The following CFLAR variants were observed in gnomAD, a reference collection of about 807,000 sequenced individuals.
CFLAR encodes CASP8 and FADD-like apoptosis regulator.
Under a neutral mutation model 51.1 loss-of-function variants are expected in CFLAR, and 14 were observed. The ratio of observed to expected loss-of-function variants is 0.27; its 90% CI spans 0.18 to 0.43. CFLAR has a LOEUF of 0.43. Ranked by LOEUF, CFLAR falls within the 20% of genes least tolerant of loss-of-function variation. CFLAR has a pLI of 1.00. For missense variants in CFLAR, 390 were observed against 566.5 expected, an observed-to-expected ratio of 0.69 and a Z score of 3.16; for synonymous variants, 210 against 211.6, an observed-to-expected ratio of 0.99 and a Z score of 0.06.
At chr2:201,162,675 A>G in intron 9 of CFLAR, 1 of 206,146 alleles carries the variant, frequency 4.9e-6, no homozygotes. Flanking sequence ...CAATTTTGCA[A>G]GGCATGGCGA....
intron 5 of CFLAR, chr2:201,141,374 A>T (rs771517176): frequency 2.0e-5 from 31 of 1,557,198 alleles, no homozygotes; most frequent in South Asian, 4.7e-5. Context: ...TCTTCTACAG[A>T]TGATAACACC....
chr2:201,141,368 C>G, intron 5 of CFLAR: 1 of 1,555,470 alleles, frequency 6.4e-7, no homozygotes, highest in Non-Finnish European at 8.7e-7. Context: ...TTTTTCTCTT[C>G]TACAGATGAT....
At chr2:201,123,144 T>TGA in intron 1 of CFLAR, among the ~76,000 whole-genome samples, 1 of 152,302 alleles carries the variant, frequency 6.6e-6, no homozygotes, top group Admixed American at 6.5e-5. Flanking sequence ...TAGATGATGA[T>TGA]TTATGATCTT....
At position 201,164,293 on chromosome 2, in the gene CFLAR, A is replaced by AAG. The variant is rs397870482; in HGVS notation, c.*320_*321insAG. ...CCCATCTCTTTAAAAAAAAAAAAAA[A>AAG]GGACAGGAACTATCTTACTCAATGT... On this transcript the variant is annotated 3_prime_UTR_variant, in exon 10 of 10. Coordinates refer to ENST00000309955, the MANE Select transcript of CFLAR (RefSeq NM_003879.7). 1 of 191,102 alleles carries AAG rather than the reference A, an allele frequency of 5.2e-6. No homozygotes were observed. The highest frequency in any genetic ancestry group is 1.0e-4 in the South Asian group (1 of 9,624). 11.8% of individuals were successfully genotyped at this position (191,102 alleles called of 1,614,324 possible).
At chr2:201,134,099 A>C (rs183709281) in intron 3 of CFLAR, among the ~76,000 whole-genome samples, 86 of 151,846 alleles carry the variant, frequency 5.7e-4, no homozygotes, top group African/African-American at 2.0e-3. Flanking sequence ...ACCTGAGGTC[A>C]AGAGTTTGAG....
chr2:201,125,785 G>A (rs2048625966), intron 1 of CFLAR, among the ~76,000 whole-genome samples: 1 of 152,114 alleles, frequency 6.6e-6, no homozygotes, highest in South Asian at 2.1e-4. Context: ...CCACCAGGGT[G>A]TGGTGGTGAG....
rs552063739 is a variant in CFLAR at position 201,140,018 on chromosome 2, A to G, written c.524-339A>G. 1.6e-4 allele frequency: 51 copies of G among 312,208 alleles called. No homozygotes were observed. In the East Asian group the frequency reaches 3.1e-3, roughly 19 times the overall value. 19.3% of individuals were successfully genotyped at this position (312,208 alleles called of 1,614,324 possible). A position where few individuals can be genotyped will look rare whatever the true frequency, so the allele number is the denominator to read the frequency against. On this transcript the variant is annotated intron_variant, in intron 4 of 9. Transcript: ENST00000309955. ...GTAGCCGGTGCTGCTGCTGATAGGT[A>G]GTCCCTCATGCTGCCGCGAGACCCC...
At chr2:201,161,039 T>C in intron 9 of CFLAR, 97 bp downstream of exon 9, 2 of 840,040 alleles carry the variant, frequency 2.4e-6, no homozygotes, top group Non-Finnish European at 3.8e-6. Context: ...GCCCATCTCT[T>C]CCGGGAGGAA....
chr2:201,152,139 G>A (rs930683368), intron 8 of CFLAR, among the ~76,000 whole-genome samples: 3 of 151,870 alleles, frequency 2.0e-5, no homozygotes, highest in African/African-American at 7.2e-5. Flanking sequence ...GAATACAGGC[G>A]CCCGCCACCA....
intron 1 of CFLAR, among the ~76,000 whole-genome samples, chr2:201,120,914 C>T (rs528516138): frequency 1.2e-4 from 19 of 152,226 alleles, no homozygotes; most frequent in African/African-American, 4.1e-4. Context: ...AACCAAATTC[C>T]CTGCAACAAT....
In CFLAR at chr2:201,138,887, T is replaced by G. The variant is rs1237874136; in HGVS notation, c.524-1470T>G. The G allele has an allele frequency of 5.8e-5, 40 of 691,344 alleles. No individual in the cohort carries two copies. Among genetic ancestry groups the G allele is most frequent in the Non-Finnish European group, 9.7e-5 (36 of 370,330 alleles). The allele number at this position is 691,344 out of a possible 1,614,324, so 42.8% of individuals were successfully genotyped here. A position where few individuals can be genotyped will look rare whatever the true frequency, so the allele number is the denominator to read the frequency against. ...TCAGCGGCGTCTTCAGAGTGACCAT[T>G]GGGTCAGGGCTGAGGTCAGGTCCAC... On this transcript the variant is annotated intron_variant, in intron 4 of 9. Coordinates refer to ENST00000309955, the MANE Select transcript of CFLAR (RefSeq NM_003879.7). This position sits in a 1 kb window ranked among gnomAD's most constrained non-coding sequence, Gnocchi z 4.0.
chr2:201,140,449 G>C lies in CFLAR; in HGVS notation c.606+10G>C. ...TTCAAATAACTTCAGGGTGAGTCTG[G>C]AGAAAACATATGGAATCCCAGCATG... On this transcript the variant is annotated intron_variant, in intron 5 of 9. Transcript: ENST00000309955. 1 of 1,580,712 alleles carries C rather than the reference G, an allele frequency of 6.3e-7. No individual in the cohort carries two copies. The highest frequency in any genetic ancestry group is 8.6e-7 in the Non-Finnish European group (1 of 1,167,326).
chr2:201,141,618 T>C, intron 5 of CFLAR: 1 of 1,312,414 alleles, frequency 7.6e-7, no homozygotes, highest in South Asian at 2.1e-5. Context: ...GTTTTTTTAC[T>C]GAGCTAATTT....
At chr2:201,141,489 C>A in intron 5 of CFLAR, 1 of 1,530,396 alleles carries the variant, frequency 6.5e-7, no homozygotes. Flanking sequence ...GTTTCATTTT[C>A]TAAATGTGTT....
At chr2:201,120,810 C>T (rs932061583) in intron 1 of CFLAR, among the ~76,000 whole-genome samples, 4 of 152,032 alleles carry the variant, frequency 2.6e-5, no homozygotes, top group Non-Finnish European at 5.9e-5. Context: ...TTTGTTTTTA[C>T]TTGCAGCTTT....
rs2047885899 is a variant in CFLAR, at chr2:201,118,897, C to CG, written c.-138+2419dup. 1 of 152,412 alleles carries CG rather than the reference C, an allele frequency of 6.6e-6. No individual in the cohort carries two copies. The highest frequency in any genetic ancestry group is 1.5e-5 in the Non-Finnish European group (1 of 68,208). 9.4% of individuals were successfully genotyped at this position (152,412 alleles called of 1,614,324 possible). On this transcript the variant is annotated intron_variant, in intron 1 of 9. Transcript: ENST00000309955. This position sits in a 1 kb window ranked among gnomAD's most constrained non-coding sequence, Gnocchi z 5.1. ...CCAGTGGGAAGAGCCGGCGGCTGCC[C>CG]GGGCGTGAGTAGACCGAGAATCCTG...
intron 9 of CFLAR, among the ~76,000 whole-genome samples, chr2:201,161,856 C>G (rs1943072648): frequency 6.8e-6 from 1 of 146,154 alleles, no homozygotes. Flanking sequence ...CAGTGATTCT[C>G]CTGCCTCAGC....
chr2:201,163,176 A>T, intron 9 of CFLAR: 2 of 975,876 alleles, frequency 2.0e-6, no homozygotes, highest in Non-Finnish European at 3.0e-6. Context: ...ACAATTTGAT[A>T]GGTGAAAAGT....
chr2:201,151,172 T>C (rs2125863866), intron 8 of CFLAR: 1 of 152,316 alleles, frequency 6.6e-6, no homozygotes, highest in Middle Eastern at 3.4e-3. Context: ...CTCAGTCTCT[T>C]CTATCTGCGC....
Sources: allele counts gnomAD v4.1 joint callset (sites outside exome capture counted in the v4.1 genomes callset), GRCh38; gene constraint gnomAD v4.1.1; non-coding constraint Gnocchi (gnomAD v3.1); transcripts MANE v1.5; gene names NCBI Gene and HGNC (gene_info 2026-07-23, HGNC 2026-07-21).